The following ROR2 variants were observed in gnomAD, a reference collection of about 807,000 sequenced individuals.
The protein encoded by ROR2 is ROR family WNT receptor 2.
A neutral mutation model predicts 74.9 loss-of-function variants in ROR2; 33 were observed. The observed-to-expected ratio is 0.44, with a 90% CI of 0.33 to 0.59. The LOEUF is 0.59. ROR2 is among the 20% of genes least tolerant of loss of function. The pLI is 0.02. For synonymous variants in ROR2, 586 were observed against 558.7 expected (o/e 1.05, Z -0.69); for missense variants, 1,216 against 1,313.8 (o/e 0.93, Z 1.15).
chr9:91,868,412 G>A (rs1036172701), intron 1 of ROR2, among the ~76,000 whole-genome samples: 4 of 152,122 alleles, frequency 2.6e-5, no homozygotes, highest in South Asian at 2.1e-4. Flanking sequence ...AAAGAGTGAC[G>A]AAGTGACTAA....
intron 1 of ROR2, among the ~76,000 whole-genome samples, chr9:91,809,731 C>T (rs936750431): frequency 7.2e-5 from 11 of 152,228 alleles, no homozygotes; most frequent in African/African-American, 2.2e-4. Flanking sequence ...GGGCAGGCGC[C>T]GTGGGCGTCC....
At chr9:91,817,132 G>A (rs974152787) in intron 1 of ROR2, among the ~76,000 whole-genome samples, 3 of 152,144 alleles carry the variant, frequency 2.0e-5, no homozygotes, top group Admixed American at 6.5e-5. Flanking sequence ...GACATCTGCC[G>A]TTTCAAACAC....
intron 1 of ROR2, among the ~76,000 whole-genome samples, chr9:91,897,625 G>C (rs1830568149): frequency 6.6e-6 from 1 of 152,212 alleles, no homozygotes; most frequent in African/African-American, 2.4e-5. Context: ...GCGAGCCTAA[G>C]ATGTGGGGTG....
intron 1 of ROR2, among the ~76,000 whole-genome samples, chr9:91,827,830 A>C (rs576200017): frequency 3.4e-4 from 52 of 152,274 alleles, no homozygotes; most frequent in Non-Finnish European, 6.3e-4. Flanking sequence ...TTGTTATAAC[A>C]ACCATAGTAG....
chr9:91,816,642 C>CT (rs1827947128), intron 1 of ROR2, among the ~76,000 whole-genome samples: 2 of 152,038 alleles, frequency 1.3e-5, no homozygotes, highest in Admixed American at 6.6e-5. Flanking sequence ...ATGCAGGGCC[C>CT]TCCCTGGCAT....
intron 1 of ROR2, among the ~76,000 whole-genome samples, chr9:91,842,802 C>T (rs1828823023): frequency 6.6e-6 from 1 of 152,256 alleles, no homozygotes; most frequent in African/African-American, 2.4e-5. Context: ...ATGTGCTGCT[C>T]TGCATCCAGC....
chr9:91,802,186 G>A (rs1827409795), intron 1 of ROR2, among the ~76,000 whole-genome samples: 1 of 146,776 alleles, frequency 6.8e-6, no homozygotes, highest in South Asian at 2.1e-4. Flanking sequence ...CCATTCTCCT[G>A]CCTCAGTCTT....
At chr9:91,914,859 C>A (rs1000572457) in intron 1 of ROR2, among the ~76,000 whole-genome samples, 2 of 152,118 alleles carry the variant, frequency 1.3e-5, no homozygotes, top group Non-Finnish European at 2.9e-5. Context: ...CAGGGCCTGG[C>A]CTTCCAGCTG....
At chr9:91,750,389 A>G (rs1652286885) in intron 4 of ROR2, among the ~76,000 whole-genome samples, 2 of 152,192 alleles carry the variant, frequency 1.3e-5, no homozygotes, top group African/African-American at 4.8e-5. Context: ...ATCAATACAC[A>G]TCTTGTTTTA....
At chr9:91,740,971 C>T (rs763244886) in intron 4 of ROR2, among the ~76,000 whole-genome samples, 88 of 152,074 alleles carry the variant, frequency 5.8e-4, no homozygotes, top group Non-Finnish European at 8.8e-4. Context: ...ACTTCTACAC[C>T]AAGAAGTGAT....
chr9:91,727,915 A>ATC, intron 7 of ROR2, among the ~76,000 whole-genome samples: 1 of 152,250 alleles, frequency 6.6e-6, no homozygotes, highest in East Asian at 1.9e-4. Flanking sequence ...AATAAGAAGA[A>ATC]ATCAAGTAAA....
intron 4 of ROR2, among the ~76,000 whole-genome samples, chr9:91,748,412 T>C (rs1339004527): frequency 6.6e-6 from 1 of 152,260 alleles, no homozygotes; most frequent in East Asian, 1.9e-4. Flanking sequence ...AAACATCGTG[T>C]TGTACACTGG....
At chr9:91,729,968 T>C (rs920580220) in intron 7 of ROR2, among the ~76,000 whole-genome samples, 3 of 152,232 alleles carry the variant, frequency 2.0e-5, no homozygotes, top group Non-Finnish European at 4.4e-5. Flanking sequence ...TTTTGTTTTT[T>C]GTTTTTGAGA....
intron 1 of ROR2, among the ~76,000 whole-genome samples, chr9:91,930,005 C>T (rs1469760260): frequency 2.6e-5 from 4 of 152,036 alleles, no homozygotes. Flanking sequence ...CCCTACTGCA[C>T]ACTAGTTTTA....
intron 1 of ROR2, among the ~76,000 whole-genome samples, chr9:91,787,601 G>C (rs963849525): frequency 1.3e-5 from 2 of 152,152 alleles, no homozygotes; most frequent in Non-Finnish European, 2.9e-5. Context: ...ACATAAACCA[G>C]AGAACTAGTC....
rs146419717 is a variant in ROR2 at position 91,745,668 on chromosome 9, C to T, written c.495-8150G>A. Among the ~76,000 whole-genome samples, 1,329 of 152,024 alleles carry T rather than the reference C, an allele frequency of 8.7e-3. 18 individuals are homozygous for T. Among genetic ancestry groups the T allele is most frequent in the African/African-American group, 0.03 (1,257 of 41,448 alleles). On this transcript the variant is annotated intron_variant, in intron 4 of 8. Transcript: ENST00000375708. ...ATTGAACTCCTGACCTCAGGTGATCCGCCCACCTCGGCCTCCCAAAGTGTT... is the reference window on the plus strand; with the variant it reads ...ATTGAACTCCTGACCTCAGGTGATCTGCCCACCTCGGCCTCCCAAAGTGTT...
intron 4 of ROR2, among the ~76,000 whole-genome samples, chr9:91,754,222 GTATA>G (rs1435566890): frequency 6.7e-6 from 1 of 150,216 alleles, no homozygotes; most frequent in Non-Finnish European, 1.5e-5. Flanking sequence ...TTTACAATTT[GTATA>G]TAAATATATG....
At chr9:91,737,045 T>G (rs528474073) in intron 5 of ROR2, among the ~76,000 whole-genome samples, 22 of 152,270 alleles carry the variant, frequency 1.4e-4, no homozygotes, top group African/African-American at 5.1e-4. Context: ...GTGGGGGCGC[T>G]GAGGCTATCT....
chr9:91,914,821 C>A (rs1831088361), intron 1 of ROR2, among the ~76,000 whole-genome samples: 1 of 152,218 alleles, frequency 6.6e-6, no homozygotes, highest in South Asian at 2.1e-4. Flanking sequence ...AACAGGAGCA[C>A]AAAGGAGGTC....
Sources: allele counts gnomAD v4.1 joint callset (sites outside exome capture counted in the v4.1 genomes callset), GRCh38; gene constraint gnomAD v4.1.1; transcripts MANE v1.5; gene names NCBI Gene and HGNC (gene_info 2026-07-23, HGNC 2026-07-21).